The following ARFGEF3 variants were observed in gnomAD, a reference collection of about 807,000 sequenced individuals.
ARFGEF3 encodes the protein ARFGEF family member 3, also known as brefeldin A-inhibited guanine nucleotide-exchange protein 3.
ARFGEF3 carries 96 observed loss-of-function variants against 221.7 expected under a neutral mutation model. The observed-to-expected ratio is 0.43, with a 90% CI of 0.37 to 0.51. ARFGEF3 has a LOEUF of 0.51. Among genes scored for constraint, ARFGEF3 ranks in the 20% least tolerant of loss-of-function variants. The pLI, the probability that ARFGEF3 is intolerant of heterozygous loss-of-function variation, is 0.00. For synonymous variants in ARFGEF3, 1,145 were observed against 1,126.8 expected (o/e 1.02, Z -0.32); for missense variants, 2,410 against 2,789.9 (o/e 0.86, Z 3.07).
At chr6:138,173,542 A>G (rs961670353) in intron 2 of ARFGEF3, among the ~76,000 whole-genome samples, 4 of 152,200 alleles carry the variant, frequency 2.6e-5, no homozygotes, top group African/African-American at 7.2e-5. Context: ...GGGCGCATAC[A>G]TATATTTAGA....
At chr6:138,171,396 C>T (rs750178564) in intron 2 of ARFGEF3, among the ~76,000 whole-genome samples, 1 of 148,624 alleles carries the variant, frequency 6.7e-6, no homozygotes, top group East Asian at 1.9e-4. Flanking sequence ...ATTGCACTCC[C>T]TCTGATGGGC....
At chr6:138,248,022 G>A (rs137988782) in intron 8 of ARFGEF3, among the ~76,000 whole-genome samples, 186 of 152,246 alleles carry the variant, frequency 1.2e-3, no homozygotes, top group African/African-American at 4.2e-3. Flanking sequence ...AAAATTGAGC[G>A]TTCTGTTCAA....
intron 22 of ARFGEF3, among the ~76,000 whole-genome samples, chr6:138,303,305 G>A (rs1029124194): frequency 6.6e-6 from 1 of 152,048 alleles, no homozygotes. Context: ...CATAAAAGAA[G>A]GTAGTAAAAG....
chr6:138,235,222 C>T (rs116845285), intron 5 of ARFGEF3, among the ~76,000 whole-genome samples: 7 of 152,206 alleles, frequency 4.6e-5, no homozygotes, highest in African/African-American at 1.7e-4. Context: ...GTATCATTAA[C>T]CGTTTGTGTT....
chr6:138,208,198 T>G (rs1777658233), intron 3 of ARFGEF3, among the ~76,000 whole-genome samples: 1 of 152,188 alleles, frequency 6.6e-6, no homozygotes. Context: ...TTTCAAGGGC[T>G]TACTGAATCG....
chr6:138,229,921 G>GCTTAGTTCCACCCCAATA, intron 5 of ARFGEF3, 69 bp downstream of exon 5: 1 of 1,291,062 alleles, frequency 7.7e-7, no homozygotes, highest in Non-Finnish European at 1.1e-6. Flanking sequence ...AAATATTGGG[G>GCTTAGTTCCACCCCAATA]TGGAACTAAG....
At chr6:138,240,275 TAC>T (rs1562364591) in intron 6 of ARFGEF3, among the ~76,000 whole-genome samples, 1 of 152,218 alleles carries the variant, frequency 6.6e-6, no homozygotes. Context: ...TCTTATAATA[TAC>T]ACTCATATTT....
intron 12 of ARFGEF3, among the ~76,000 whole-genome samples, chr6:138,272,898 C>T (rs1562375545): frequency 6.6e-6 from 1 of 152,204 alleles, no homozygotes; most frequent in Non-Finnish European, 1.5e-5. Context: ...AGTACGCTTG[C>T]AGAAGTACTA....
rs553024475 is a variant in ARFGEF3 at position 138,166,403 on chromosome 6, G to A, written c.85+4232G>A. Among the ~76,000 whole-genome samples, 8 of 152,250 alleles carry A rather than the reference G, an allele frequency of 5.3e-5. No individual in the cohort carries two copies. The South Asian group carries it at 1.7e-3, about 32-fold the overall frequency. On this transcript the variant is annotated intron_variant, in intron 1 of 33. Transcript: ENST00000251691. ...TTTGCAAAAGGTCATACCGCATATGGCATATTGTCATGTGTTTTTTAACTT... is the reference window on the plus strand; with the variant it reads ...TTTGCAAAAGGTCATACCGCATATGACATATTGTCATGTGTTTTTTAACTT...
At position 138,286,800 on chromosome 6, in the gene ARFGEF3, G is replaced by T; in HGVS notation, c.2669G>T (p.Gly890Val). The change falls in exon 16 of 34, where the codon GGG (glycine) becomes GTG (valine). Residue 890 changes from glycine (G) to valine (V), a missense_variant. Gly to Val is a moderately radical substitution (Grantham distance 109). Coordinates refer to ENST00000251691, the MANE Select transcript of ARFGEF3 (RefSeq NM_020340.5). ...GGTCGAATGGCGGGGAGCTCCAAAG[G>T]GCTGGCCTTCATTCTGGGAGCTGAA... ...LTGRMAGSSK[G>V]LAFILGAEGI... 6.2e-7 allele frequency: 1 copy of T among 1,614,008 alleles called. No homozygotes were observed.
intron 2 of ARFGEF3, among the ~76,000 whole-genome samples, chr6:138,188,776 A>G (rs184164600): frequency 3.9e-5 from 6 of 152,340 alleles, no homozygotes; most frequent in Admixed American, 3.9e-4. Context: ...GGGCAGGTTA[A>G]TGCAGATCTT....
At chr6:138,237,736 C>T (rs1421450350) in intron 5 of ARFGEF3, among the ~76,000 whole-genome samples, 1 of 151,724 alleles carries the variant, frequency 6.6e-6, no homozygotes, top group African/African-American at 2.4e-5. Flanking sequence ...CAAATGACAG[C>T]GTAGGTGCAA....
chr6:138,265,706 T>C (rs1219668568), intron 12 of ARFGEF3, among the ~76,000 whole-genome samples: 1 of 152,142 alleles, frequency 6.6e-6, no homozygotes, highest in Non-Finnish European at 1.5e-5. Context: ...AGAAGCCGAA[T>C]TGTGCTATAT....
chr6:138,283,868 T>C (rs958826126), intron 14 of ARFGEF3, among the ~76,000 whole-genome samples: 3 of 152,224 alleles, frequency 2.0e-5, no homozygotes, highest in African/African-American at 7.2e-5. Context: ...AGCAGCCATA[T>C]AGATTTCGTC....
In ARFGEF3 at chr6:138,337,535, A is replaced by G. The variant is rs1208636809; in HGVS notation, c.*1049A>G. On this transcript the variant is annotated 3_prime_UTR_variant, in exon 34 of 34. Coordinates refer to ENST00000251691, the MANE Select transcript of ARFGEF3 (RefSeq NM_020340.5). Reference sequence around the variant, plus strand: ...ATGGATTATGATGAAATCATTTTCAATCTTAAAATATAATACAACAATCTT... The same window carrying G: ...ATGGATTATGATGAAATCATTTTCAGTCTTAAAATATAATACAACAATCTT... The G allele has an allele frequency of 1.3e-5, 2 of 152,648 alleles. No individual in the cohort carries two copies. Among genetic ancestry groups the G allele is most frequent in the Non-Finnish European group, 2.9e-5 (2 of 68,052 alleles). 9.5% of individuals were successfully genotyped at this position (152,648 alleles called of 1,614,324 possible). A position where few individuals can be genotyped will look rare whatever the true frequency, so the allele number is the denominator to read the frequency against.
At chr6:138,301,167 G>T (rs1333891445) in intron 22 of ARFGEF3, among the ~76,000 whole-genome samples, 1 of 152,182 alleles carries the variant, frequency 6.6e-6, no homozygotes, top group Non-Finnish European at 1.5e-5. Flanking sequence ...GAAGAAGTTA[G>T]GTTAACCTTC....
chr6:138,179,916 C>T (rs1299629884), intron 2 of ARFGEF3, among the ~76,000 whole-genome samples: 1 of 152,204 alleles, frequency 6.6e-6, no homozygotes, highest in African/African-American at 2.4e-5. Context: ...TTCAAGCAAC[C>T]CTCCTGCCTC....
At chr6:138,335,526 C>T (rs1361174378) in intron 33 of ARFGEF3, among the ~76,000 whole-genome samples, 1 of 144,224 alleles carries the variant, frequency 6.9e-6, no homozygotes, top group East Asian at 2.0e-4. Context: ...GACAACACGG[C>T]AAAACCCATC....
rs201311358 is a variant in ARFGEF3 at position 138,280,196 on chromosome 6, G to A, written c.2461+32G>A. The A allele has an allele frequency of 6.9e-4, 1,113 of 1,606,980 alleles. 4 individuals carry two copies. In the African/African-American group the frequency reaches 0.01, roughly 14 times the overall value. On this transcript the variant is annotated intron_variant, in intron 14 of 33. Coordinates refer to ENST00000251691, the MANE Select transcript of ARFGEF3 (RefSeq NM_020340.5). ...GGTTCGTTGCAAGGCCTTGGGGCAC[G>A]TGGTAGGGTGGGACGGCTCACGCTT... is the stretch of plus-strand genomic sequence containing the variant.
Sources: allele counts gnomAD v4.1 joint callset (sites outside exome capture counted in the v4.1 genomes callset), GRCh38; gene constraint gnomAD v4.1.1; transcripts MANE v1.5; gene names NCBI Gene and HGNC (gene_info 2026-07-23, HGNC 2026-07-21).